Variants in CCNB1 observed in about 807,000 individuals in gnomAD.
CCNB1 encodes G2/mitotic-specific cyclin-B1.
Under a neutral mutation model 44.4 loss-of-function variants are expected in CCNB1, and 26 were observed. The observed-to-expected ratio is 0.59, with a 90% CI of 0.43 to 0.81. The LOEUF (loss-of-function observed/expected upper bound fraction) is 0.81. Ranked by LOEUF, CCNB1 falls within the 40% of genes least tolerant of loss-of-function variation. The pLI, the probability that CCNB1 is intolerant of heterozygous loss-of-function variation, is 0.00. For synonymous variants in CCNB1, 195 were observed against 181.4 expected, an observed-to-expected ratio of 1.08 and a Z score of -0.60; for missense variants, 477 against 520.9, an observed-to-expected ratio of 0.92 and a Z score of 0.82.
In CCNB1 at chr5:69,167,432, G is replaced by A; in HGVS notation, c.21+149G>A. The A allele has an allele frequency of 2.6e-6, 2 of 767,414 alleles. 1 individual carries two copies. Among genetic ancestry groups the A allele is most frequent in the Non-Finnish European group, 4.4e-6 (2 of 456,444 alleles). 47.5% of individuals were successfully genotyped at this position (767,414 alleles called of 1,614,324 possible). A position where few individuals can be genotyped will look rare whatever the true frequency, so the allele number is the denominator to read the frequency against. ...AGGGGACTCACCAAGAGAGCGCCGAGGTGGGCCCAGGCCTGGTGAGAGAGT... is the reference window on the plus strand; with the variant it reads ...AGGGGACTCACCAAGAGAGCGCCGAAGTGGGCCCAGGCCTGGTGAGAGAGT... On this transcript the variant is annotated intron_variant, in intron 1 of 8. Transcript: ENST00000256442.
At chr5:69,171,045 T>G (rs8192264) in intron 3 of CCNB1, among the ~76,000 whole-genome samples, 5,725 of 152,244 alleles carry the variant, frequency 0.038, 395 homozygotes, top group African/African-American at 0.13. Flanking sequence ...GTGCTGAGAT[T>G]AAAGGTGTGA....
At position 69,176,479 on chromosome 5, in the gene CCNB1, C is replaced by T. The variant is rs192397231; in HGVS notation, c.1084-760C>T. Among the ~76,000 whole-genome samples the T allele has an allele frequency of 0.018, 2,783 of 151,506 alleles. 125 individuals carry two copies. In the East Asian group the frequency reaches 0.2, roughly 11 times the overall value. On this transcript the variant is annotated intron_variant, in intron 7 of 8. Coordinates refer to ENST00000256442, the MANE Select transcript of CCNB1 (RefSeq NM_031966.4). ...TCATGCCATTCTCCTGCCTCAGCCTCCCGAGTAGCTGGGACTACAGGTGCC... is the reference window on the plus strand; with the variant it reads ...TCATGCCATTCTCCTGCCTCAGCCTTCCGAGTAGCTGGGACTACAGGTGCC...
At position 69,175,496 on chromosome 5, in the gene CCNB1, G is replaced by A. The variant is rs747176836; in HGVS notation, c.1042G>A (p.Ala348Thr). ...HFPPSQIAAG[A>T]FCLALKILDN... ...TCCTCCTTCTCAAATTGCAGCAGGAGCTTTTTGCTTAGCACTGAAAATTCT... is the reference window on the plus strand; with the variant it reads ...TCCTCCTTCTCAAATTGCAGCAGGAACTTTTTGCTTAGCACTGAAAATTCT... The change falls in exon 7 of 9, where the codon GCT (alanine) becomes ACT (threonine). Residue 348 changes from alanine to threonine, a missense_variant. Ala to Thr is a moderately conservative substitution (Grantham distance 58). Transcript: ENST00000256442. 15 of 1,614,180 alleles carry A rather than the reference G, an allele frequency of 9.3e-6. No individual in the cohort carries two copies. The highest frequency in any genetic ancestry group is 1.3e-5 in the African/African-American group (1 of 75,066).
At chr5:69,170,871 G>A (rs1235042262) in intron 3 of CCNB1, among the ~76,000 whole-genome samples, 1 of 152,144 alleles carries the variant, frequency 6.6e-6, no homozygotes, top group East Asian at 1.9e-4. Flanking sequence ...TCCCACCTCA[G>A]CCACCCAAAG....
chr5:69,176,403 C>A (rs1240586280), intron 7 of CCNB1, among the ~76,000 whole-genome samples: 1 of 151,942 alleles, frequency 6.6e-6, no homozygotes, highest in East Asian at 2.0e-4. Context: ...GTCGCCCAGG[C>A]TGGAGAGCAG....
At chr5:69,171,922 A>G (rs142246654) in intron 4 of CCNB1, among the ~76,000 whole-genome samples, 237 of 152,352 alleles carry the variant, frequency 1.6e-3, no homozygotes, top group African/African-American at 4.8e-3. Flanking sequence ...GTACACTCAA[A>G]AGCTACTTTT....
chr5:69,167,828 C>A (rs1257541599), intron 1 of CCNB1, 80 bp from the exon 2 acceptor site: 10 of 1,316,130 alleles, frequency 7.6e-6, no homozygotes, highest in Middle Eastern at 4.3e-4. Context: ...GGGAACTTCT[C>A]CTTGTGCCCC....
In CCNB1 at chr5:69,175,534, A is replaced by G; in HGVS notation, c.1080A>G (p.Glu360=). The G allele has an allele frequency of 6.2e-7, 1 of 1,614,094 alleles. No individual in the cohort carries two copies. Among genetic ancestry groups the G allele is most frequent in the East Asian group, 2.2e-5 (1 of 44,872 alleles). ...CLALKILDNG[E]WTPTLQHYLS... is the part of the protein sequence containing the mutation. ...CACTGAAAATTCTGGATAATGGTGA[A>G]TGGGTAAGCTGTGTCCCACAGAACT... is the stretch of plus-strand genomic sequence containing the variant. The change falls in exon 7 of 9, where the codon GAA becomes GAG. Residue 360 remains glutamate (E), a synonymous_variant. Coordinates refer to ENST00000256442, the MANE Select transcript of CCNB1 (RefSeq NM_031966.4).
chr5:69,173,889 C>A (rs1747519531), intron 4 of CCNB1, among the ~76,000 whole-genome samples: 1 of 152,104 alleles, frequency 6.6e-6, no homozygotes, highest in Non-Finnish European at 1.5e-5. Flanking sequence ...CCTGCCTCAG[C>A]CTCCCAAGTA....
intron 3 of CCNB1, among the ~76,000 whole-genome samples, chr5:69,169,763 T>C (rs1747418390): frequency 6.6e-6 from 1 of 152,154 alleles, no homozygotes; most frequent in Admixed American, 6.5e-5. Context: ...GTGATTCTCC[T>C]GCTTCAGCCT....
intron 3 of CCNB1, among the ~76,000 whole-genome samples, chr5:69,170,020 A>G (rs951452895): frequency 1.1e-4 from 16 of 150,346 alleles, no homozygotes; most frequent in Admixed American, 3.3e-4. Flanking sequence ...CTGGAGCACA[A>G]TGGCACGATC....
At chr5:69,176,245 A>G (rs889905265) in intron 7 of CCNB1, among the ~76,000 whole-genome samples, 2 of 151,410 alleles carry the variant, frequency 1.3e-5, no homozygotes, top group Non-Finnish European at 2.9e-5. Flanking sequence ...AAGGTAGAGC[A>G]ACTTTTACTC....
rs752972082 is a variant in CCNB1, at chr5:69,171,312, G to A, written c.406G>A (p.Ala136Thr). ...AAGCCCAATGGAAACATCTGGATGT[G>A]CCCCTGCAGAAGAAGACCTGTGTCA... ...SPSPMETSGCAPAEEDLCQAF... is the reference protein window; with the variant it reads ...SPSPMETSGCTPAEEDLCQAF... The change falls in exon 4 of 9, where the codon GCC becomes ACC. Residue 136 changes from alanine to threonine, a missense_variant. Physicochemically the swap from Ala to Thr is moderately conservative, Grantham distance 58. Transcript: ENST00000256442. The A allele has an allele frequency of 3.1e-6, 5 of 1,613,402 alleles. No homozygotes were observed. The East Asian group carries it at 6.7e-5, about 22-fold the overall frequency.
intron 4 of CCNB1, 75 bp from the exon 5 acceptor site, chr5:69,174,176 C>A: frequency 7.5e-7 from 1 of 1,335,068 alleles, no homozygotes; most frequent in Admixed American, 1.8e-5. Flanking sequence ...ACTGTAGGAA[C>A]TAACTGATCT....
At position 69,172,931 on chromosome 5, in the gene CCNB1, G is replaced by A. The variant is rs950163168; in HGVS notation, c.547-1320G>A. On this transcript the variant is annotated intron_variant, in intron 4 of 8. Transcript: ENST00000256442. ...TGGGACTACAGGCATCCGCCACCAC[G>A]CCTGGCTAATTTTTTATATTTTTAG... Among the ~76,000 whole-genome samples the A allele has an allele frequency of 7.9e-5, 12 of 151,632 alleles. No individual in the cohort carries two copies. The South Asian group carries it at 1.0e-3, about 13-fold the overall frequency.
intron 1 of CCNB1, chr5:69,167,503 A>C: frequency 1.7e-6 from 1 of 571,622 alleles, no homozygotes; most frequent in Non-Finnish European, 3.1e-6. Flanking sequence ...AGAGAACTGG[A>C]CGGATATTGG....
intron 6 of CCNB1, 136 bp downstream of exon 6, chr5:69,175,249 G>A: frequency 9.7e-7 from 1 of 1,035,020 alleles, no homozygotes; most frequent in Non-Finnish European, 1.4e-6. Flanking sequence ...TTTATTTCTA[G>A]TCAGGCTGCA....
At chr5:69,170,627 GACTC>G (rs1372057975) in intron 3 of CCNB1, among the ~76,000 whole-genome samples, 1 of 151,638 alleles carries the variant, frequency 6.6e-6, no homozygotes, top group African/African-American at 2.4e-5. Context: ...ACTTTAAACT[GACTC>G]ACTCTAAGTT....
At chr5:69,175,943 G>A (rs1747575748) in intron 7 of CCNB1, among the ~76,000 whole-genome samples, 1 of 146,224 alleles carries the variant, frequency 6.8e-6, no homozygotes, top group Non-Finnish European at 1.5e-5. Context: ...ACCAGCCTGG[G>A]CAACATAGCA....
Sources: allele counts gnomAD v4.1 joint callset (sites outside exome capture counted in the v4.1 genomes callset), GRCh38; gene constraint gnomAD v4.1.1; transcripts MANE v1.5; gene names NCBI Gene and HGNC (gene_info 2026-07-23, HGNC 2026-07-21).